SCN7A: variants seen among roughly 807,000 people sequenced by gnomAD.
The protein encoded by SCN7A is sodium voltage-gated channel alpha subunit 7, also known as sodium channel protein type 7 subunit alpha.
A neutral mutation model predicts 155.2 loss-of-function variants in SCN7A; 138 were observed. The observed-to-expected ratio is 0.89, with a 90% CI of 0.77 to 1.02. The LOEUF (loss-of-function observed/expected upper bound fraction) is 1.02. Ranked by LOEUF, SCN7A falls within the 50% of genes least tolerant of loss-of-function variation. The pLI is 0.00. For missense variants in SCN7A, 2,058 were observed against 1,986.6 expected (o/e 1.04, Z -0.68); for synonymous variants, 693 against 649.0 (o/e 1.07, Z -1.03).
At chr2:166,488,801 C>A (rs1391993534) in intron 1 of SCN7A, among the ~76,000 whole-genome samples, 1 of 151,952 alleles carries the variant, frequency 6.6e-6, no homozygotes, top group Non-Finnish European at 1.5e-5. Context: ...CTACACCTGG[C>A]TAATTTTTGT....
intron 9 of SCN7A, among the ~76,000 whole-genome samples, chr2:166,463,744 C>G (rs1025220121): frequency 6.6e-6 from 1 of 151,990 alleles, no homozygotes; most frequent in African/African-American, 2.4e-5. Flanking sequence ...CCAGCAGGAG[C>G]TGGGCAAAAA....
chr2:166,475,060 T>C lies in SCN7A; in HGVS notation c.235-716A>G, dbSNP rs140091210. Reference sequence around the variant, plus strand: ...TATATATACCTGTAAATGAGCAAGTTTGCATATTTTTATATTTGTGTATAT... The same window carrying C: ...TATATATACCTGTAAATGAGCAAGTCTGCATATTTTTATATTTGTGTATAT... On this transcript the variant is annotated intron_variant, in intron 3 of 25. Transcript: ENST00000643258. 6.4e-3 allele frequency among the ~76,000 whole-genome samples: 712 copies of C among 111,208 alleles called. 40 individuals are homozygous for C. The East Asian group carries it at 0.12, about 20-fold the overall frequency. 73.0% of individuals were successfully genotyped at this position (111,208 alleles called of 152,430 possible). A position where few individuals can be genotyped will look rare whatever the true frequency, so the allele number is the denominator to read the frequency against.
chr2:166,443,671 GA>G lies in SCN7A; in HGVS notation c.1631del (p.Phe544SerfsTer9). 6.5e-7 allele frequency: 1 copy of G among 1,536,314 alleles called. No individual in the cohort carries two copies. The highest frequency in any genetic ancestry group is 2.1e-5 in the Admixed American group (1 of 47,488). On this transcript the variant is annotated frameshift_variant, in exon 14 of 26. Transcript: ENST00000643258. LOFTEE classifies it high-confidence loss of function. ...NTLLNIGNLV[F>X]IGIFTAEMIF... ...TCATTTCTGCTGTGAAAATTCCAATGAAAACCTAAATCAAAACCAAATACAT... is the reference window on the plus strand; with the variant it reads ...TCATTTCTGCTGTGAAAATTCCAATGAAACCTAAATCAAAACCAAATACAT...
chr2:166,424,230 G>A (rs1256569635), intron 18 of SCN7A, among the ~76,000 whole-genome samples: 1 of 151,842 alleles, frequency 6.6e-6, no homozygotes, highest in Non-Finnish European at 1.5e-5. Flanking sequence ...AGATTATAAA[G>A]TTCTTAAAAA....
intron 16 of SCN7A, among the ~76,000 whole-genome samples, chr2:166,430,323 A>G (rs575657736): frequency 1.3e-5 from 2 of 152,118 alleles, no homozygotes; most frequent in East Asian, 3.9e-4. Context: ...AAATAAAAAA[A>G]GTAAAGTATC....
At chr2:166,440,390 T>G (rs1373738190) in intron 15 of SCN7A, among the ~76,000 whole-genome samples, 3 of 152,180 alleles carry the variant, frequency 2.0e-5, no homozygotes, top group African/African-American at 7.2e-5. Context: ...AGTGTTACAA[T>G]GTAGATTACG....
intron 3 of SCN7A, among the ~76,000 whole-genome samples, chr2:166,476,392 CT>C (rs1702798191): frequency 6.6e-6 from 1 of 151,972 alleles, no homozygotes; most frequent in African/African-American, 2.4e-5. Flanking sequence ...TGCTATGAAG[CT>C]AATCATCACC....
intron 16 of SCN7A, 80 bp downstream of exon 16, chr2:166,432,238 G>T: frequency 9.0e-7 from 1 of 1,111,182 alleles, no homozygotes; most frequent in Non-Finnish European, 1.3e-6. Flanking sequence ...ATCTGGCTGT[G>T]GAACTTCGGC....
intron 17 of SCN7A, among the ~76,000 whole-genome samples, chr2:166,428,754 T>C (rs1368726715): frequency 6.6e-6 from 1 of 152,058 alleles, no homozygotes; most frequent in African/African-American, 2.4e-5. Context: ...GTGAGTAATA[T>C]TGGGTAAAGA....
chr2:166,462,119 C>G (rs1250946598), intron 10 of SCN7A: 1 of 200,110 alleles, frequency 5.0e-6, no homozygotes, highest in Non-Finnish European at 9.8e-6. Flanking sequence ...AGCACACATA[C>G]AAATACACAC....
chr2:166,420,269 C>T (rs1195513613), intron 20 of SCN7A, among the ~76,000 whole-genome samples: 5 of 151,714 alleles, frequency 3.3e-5, no homozygotes, highest in African/African-American at 1.2e-4. Flanking sequence ...ACACATAATA[C>T]AATAAACTAT....
At chr2:166,490,461 A>G (rs1193657526) in intron 1 of SCN7A, among the ~76,000 whole-genome samples, 1 of 152,200 alleles carries the variant, frequency 6.6e-6, no homozygotes, top group Non-Finnish European at 1.5e-5. Context: ...TAGTTTGTCA[A>G]AGAGATATCT....
intron 15 of SCN7A, chr2:166,441,162 T>G (rs1701951196): frequency 2.2e-6 from 1 of 445,978 alleles, no homozygotes; most frequent in Non-Finnish European, 3.9e-6. Context: ...ATTAATGAAA[T>G]AGTTCACATC....
At chr2:166,427,967 C>A in intron 17 of SCN7A, 25 bp from the exon 18 acceptor site, 1 of 1,607,694 alleles carries the variant, frequency 6.2e-7, no homozygotes, top group East Asian at 2.2e-5. Context: ...TTGGTAAGAA[C>A]AACAATCTAG....
At chr2:166,478,231 T>G in intron 2 of SCN7A, among the ~76,000 whole-genome samples, 1 of 151,334 alleles carries the variant, frequency 6.6e-6, no homozygotes, top group Non-Finnish European at 1.5e-5. Flanking sequence ...ACATGGCACA[T>G]GTATACATGT....
At chr2:166,435,069 C>CTA (rs143266788) in intron 15 of SCN7A, among the ~76,000 whole-genome samples, 5 of 151,338 alleles carry the variant, frequency 3.3e-5, no homozygotes, top group Admixed American at 1.3e-4. Flanking sequence ...ATTCATATAT[C>CTA]TATATATATA....
At chr2:166,493,654 G>GT (rs1214114633) in intron 1 of SCN7A, among the ~76,000 whole-genome samples, 1 of 152,180 alleles carries the variant, frequency 6.6e-6, no homozygotes, top group Non-Finnish European at 1.5e-5. Flanking sequence ...ACCATGTAAT[G>GT]TAAGTCATTG....
rs1167421254 is a variant in SCN7A, at chr2:166,404,927, G to A, written c.*653C>T. The stretch of plus-strand genomic sequence containing the variant: ...AGCTTAGGTGAAACTATCCAGAGAT[G>A]AGAAACCAGGAGCTTGAGCACAATG... On this transcript the variant is annotated 3_prime_UTR_variant, in exon 26 of 26. Coordinates refer to ENST00000643258, the MANE Select transcript of SCN7A (RefSeq NM_002976.4). 2 of 150,496 alleles carry A rather than the reference G, an allele frequency of 1.3e-5. No individual in the cohort carries two copies. Among genetic ancestry groups the A allele is most frequent in the South Asian group, 2.1e-4 (1 of 4,756 alleles). 9.3% of individuals were successfully genotyped at this position (150,496 alleles called of 1,614,324 possible).
At position 166,405,663 on chromosome 2, in the gene SCN7A, C is replaced by T; in HGVS notation, c.4966G>A (p.Gly1656Ser). ...TTAGTAGCATGAACATCTCTGTCAC[C>T]ATCTATCATATGAATATCTGATGTA... Reference protein sequence around the residue: ...KNTSDIHMIDGDRDVHATKEG... With the variant: ...KNTSDIHMIDSDRDVHATKEG... The change falls in exon 26 of 26, where the codon GGT becomes AGT. Residue 1656 changes from glycine to serine, a missense_variant. Coordinates refer to ENST00000643258, the MANE Select transcript of SCN7A (RefSeq NM_002976.4). 1 of 1,612,820 alleles carries T rather than the reference C, an allele frequency of 6.2e-7. No individual in the cohort carries two copies. Among genetic ancestry groups the T allele is most frequent in the East Asian group, 2.2e-5 (1 of 44,852 alleles).
Sources: allele counts gnomAD v4.1 joint callset (sites outside exome capture counted in the v4.1 genomes callset), GRCh38; gene constraint gnomAD v4.1.1; transcripts MANE v1.5; gene names NCBI Gene and HGNC (gene_info 2026-07-23, HGNC 2026-07-21).